ADRA1A: variants seen among roughly 807,000 people sequenced by gnomAD.
ADRA1A encodes the protein alpha-1A adrenergic receptor.
A neutral mutation model predicts 29.6 loss-of-function variants in ADRA1A; 31 were observed. The observed-to-expected ratio is 1.05, with a 90% CI of 0.79 to 1.41. The LOEUF (loss-of-function observed/expected upper bound fraction) is 1.41. ADRA1A is among the 40% of genes most tolerant of loss of function. ADRA1A has a pLI of 0.00. For missense variants in ADRA1A, 619 were observed against 601.1 expected (o/e 1.03, Z -0.31); for synonymous variants, 311 against 254.3 (o/e 1.22, Z -2.12).
At chr8:26,852,328 G>A (rs1812699105) in intron 2 of ADRA1A, among the ~76,000 whole-genome samples, 1 of 152,006 alleles carries the variant, frequency 6.6e-6, no homozygotes, top group African/African-American at 2.4e-5. Flanking sequence ...AACATTCTGG[G>A]TAAGCTAATA....
chr8:26,766,582 A>T (rs1042985978), downstream of ADRA1A, among the ~76,000 whole-genome samples: 13 of 152,192 alleles, frequency 8.5e-5, no homozygotes, highest in Admixed American at 7.2e-4. Flanking sequence ...ACAGAACATT[A>T]AAAAGTTTGG....
intron 2 of ADRA1A, among the ~76,000 whole-genome samples, chr8:26,780,213 C>A (rs746966962): frequency 6.6e-6 from 1 of 152,130 alleles, no homozygotes; most frequent in Non-Finnish European, 1.5e-5. Context: ...TCAGGCCAGG[C>A]ACTTCCATAG....
intron 2 of ADRA1A, chr8:26,835,758 A>G (rs374072668): frequency 6.6e-6 from 1 of 152,336 alleles, no homozygotes; most frequent in East Asian, 1.9e-4. Context: ...ATTCAGTGAC[A>G]TGGTCAAAGG....
chr8:26,766,064 C>T (rs1174773506), downstream of ADRA1A: 1 of 1,613,794 alleles, frequency 6.2e-7, no homozygotes, highest in Admixed American at 1.7e-5. Flanking sequence ...GCATTCTGAA[C>T]CCTTTCTCCA....
At chr8:26,807,781 T>C (rs1239897392) in intron 2 of ADRA1A, among the ~76,000 whole-genome samples, 1 of 152,106 alleles carries the variant, frequency 6.6e-6, no homozygotes, top group Non-Finnish European at 1.5e-5. Context: ...AAAACAGGAA[T>C]TGAGGAGTAC....
chr8:26,782,685 T>C (rs1441525931), intron 2 of ADRA1A, among the ~76,000 whole-genome samples: 1 of 152,184 alleles, frequency 6.6e-6, no homozygotes, highest in Non-Finnish European at 1.5e-5. Context: ...ATTTCATACC[T>C]TTAGTTTCTT....
At position 26,769,067 on chromosome 8, in the gene ADRA1A, T is replaced by G. The variant is rs1045664422; in HGVS notation, c.*1082A>C. 9 of 985,322 alleles carry G rather than the reference T, an allele frequency of 9.1e-6. No individual in the cohort carries two copies. The highest frequency in any genetic ancestry group is 6.1e-5 in the Admixed American group (1 of 16,268). 61.0% of individuals were successfully genotyped at this position (985,322 alleles called of 1,614,324 possible). On this transcript the variant is annotated 3_prime_UTR_variant, in exon 3 of 3. Transcript: ENST00000380573. Reference sequence around the variant, plus strand: ...GAATAATGTACTTGGATCATAAGGCTCATTCCAACATGCCACAGGTGAAGC... The same window carrying G: ...GAATAATGTACTTGGATCATAAGGCGCATTCCAACATGCCACAGGTGAAGC...
At chr8:26,771,792 G>T in intron 2 of ADRA1A, 1 of 153,578 alleles carries the variant, frequency 6.5e-6, no homozygotes. Flanking sequence ...TCCACACCAC[G>T]GACTCCATCT....
Position 26,768,909 on chromosome 8 carries a change from G to A in ADRA1A, c.*1240C>T, listed in dbSNP as rs1805940096. 4.7e-5 allele frequency: 46 copies of A among 985,342 alleles called. No homozygotes were observed. The highest frequency in any genetic ancestry group is 5.5e-5 in the Non-Finnish European group (46 of 829,944). The allele number at this position is 985,342 out of a possible 1,614,324, so 61.0% of individuals were successfully genotyped here. A position where few individuals can be genotyped will look rare whatever the true frequency, so the allele number is the denominator to read the frequency against. On this transcript the variant is annotated 3_prime_UTR_variant, in exon 3 of 3. Transcript: ENST00000380573. Reference sequence around the variant, plus strand: ...GAAAAGTAGGAATAGATGAAGTTGAGTTGACTACTGGATCTTTTACCAGAA... The same window carrying A: ...GAAAAGTAGGAATAGATGAAGTTGAATTGACTACTGGATCTTTTACCAGAA...
intron 2 of ADRA1A, among the ~76,000 whole-genome samples, chr8:26,797,277 G>A (rs758751016): frequency 6.6e-6 from 1 of 151,894 alleles, no homozygotes; most frequent in Non-Finnish European, 1.5e-5. Flanking sequence ...TATGTAATGG[G>A]TTTATTATTT....
At chr8:26,751,129 A>G (rs1332284164) in intron 2 of ADRA1A, among the ~76,000 whole-genome samples, 2 of 152,152 alleles carry the variant, frequency 1.3e-5, no homozygotes, top group East Asian at 3.9e-4. Flanking sequence ...TTCTAGGTAC[A>G]GTTTCTGCAA....
At chr8:26,782,943 A>G (rs926507649) in intron 2 of ADRA1A, among the ~76,000 whole-genome samples, 13 of 150,330 alleles carry the variant, frequency 8.6e-5, no homozygotes, top group African/African-American at 3.3e-4. Flanking sequence ...CCACTCTCCA[A>G]CCTCTTCCAC....
At chr8:26,810,781 G>A (rs918915367) in intron 2 of ADRA1A, among the ~76,000 whole-genome samples, 5 of 152,212 alleles carry the variant, frequency 3.3e-5, no homozygotes, top group Admixed American at 6.5e-5. Flanking sequence ...TGGATGGCAC[G>A]TTTGCAGTTA....
intron 2 of ADRA1A, among the ~76,000 whole-genome samples, chr8:26,776,402 C>A (rs1285053114): frequency 6.6e-6 from 1 of 152,212 alleles, no homozygotes; most frequent in Admixed American, 6.5e-5. Flanking sequence ...TTGAGAGACA[C>A]TGGGCTATGG....
downstream of ADRA1A, among the ~76,000 whole-genome samples, chr8:26,762,930 C>G (rs569556630): frequency 6.6e-6 from 1 of 152,120 alleles, no homozygotes; most frequent in Admixed American, 6.5e-5. This position sits in a 1 kb window ranked among gnomAD's most constrained non-coding sequence, Gnocchi z 4.0. Context: ...GAGGTCCCTC[C>G]AACAAGTGTG....
chr8:26,769,243 G>T lies in ADRA1A; in HGVS notation c.*906C>A. On this transcript the variant is annotated 3_prime_UTR_variant, in exon 3 of 3. Coordinates refer to ENST00000380573, the MANE Select transcript of ADRA1A (RefSeq NM_000680.4). ...GGCTTTTGTAAGCCATGTTGAAATG[G>T]CTGTGCAGTAAGTGAACAGCCTCTA... The T allele has an allele frequency of 3.0e-6, 3 of 985,368 alleles. No homozygotes were observed. Among genetic ancestry groups the T allele is most frequent in the Non-Finnish European group, 3.6e-6 (3 of 829,876 alleles). The allele number at this position is 985,368 out of a possible 1,614,324, so 61.0% of individuals were successfully genotyped here. A position where few individuals can be genotyped will look rare whatever the true frequency, so the allele number is the denominator to read the frequency against.
chr8:26,764,759 C>T (rs951337462), downstream of ADRA1A, among the ~76,000 whole-genome samples: 1 of 152,152 alleles, frequency 6.6e-6, no homozygotes, highest in Non-Finnish European at 1.5e-5. Context: ...ATATTAAACT[C>T]AAGTTGGGAT....
At chr8:26,759,770 G>T (rs61759714) in intron 2 of ADRA1A, among the ~76,000 whole-genome samples, 3 of 152,228 alleles carry the variant, frequency 2.0e-5, no homozygotes, top group Non-Finnish European at 4.4e-5. Flanking sequence ...GACAAGGGAG[G>T]AGAAGAAACG....
downstream of ADRA1A, among the ~76,000 whole-genome samples, chr8:26,753,710 T>G (rs1050741952): frequency 6.6e-6 from 1 of 152,220 alleles, no homozygotes; most frequent in Non-Finnish European, 1.5e-5. Flanking sequence ...ACTATTACAA[T>G]CTACCTCATT....
Sources: gnomAD v4.1 joint callset for allele counts (sites outside exome capture counted in the v4.1 genomes callset) on GRCh38, gnomAD v4.1.1 for gene constraint, Gnocchi (gnomAD v3.1) non-coding constraint, MANE v1.5 for transcripts, NCBI Gene and HGNC (gene_info 2026-07-23, HGNC 2026-07-21) for gene names.